The following TRDN variants were observed in gnomAD, a reference collection of about 807,000 sequenced individuals.
TRDN encodes triadin in skeletal muscle.
Under a neutral mutation model 149.7 loss-of-function variants are expected in TRDN, and 161 were observed. That is an observed-to-expected ratio of 1.08 (90% CI 0.95 to 1.23). TRDN has a LOEUF of 1.23. Among genes scored for constraint, TRDN ranks in the 50% most tolerant of loss-of-function variants. The pLI, the probability that TRDN is intolerant of heterozygous loss-of-function variation, is 0.00. For synonymous variants in TRDN, 294 were observed against 250.5 expected (o/e 1.17, Z -1.64); for missense variants, 896 against 823.5 (o/e 1.09, Z -1.08).
intron 15 of TRDN, among the ~76,000 whole-genome samples, chr6:123,381,893 G>T (rs1002637506): frequency 6.6e-6 from 1 of 150,676 alleles, no homozygotes; most frequent in African/African-American, 2.4e-5. Flanking sequence ...GAAAGGATAT[G>T]CAGTATTTAT....
intron 2 of TRDN, among the ~76,000 whole-genome samples, chr6:123,559,778 A>G (rs1781879720): frequency 6.6e-6 from 1 of 152,198 alleles, no homozygotes; most frequent in Non-Finnish European, 1.5e-5. Flanking sequence ...CGCCTTATCA[A>G]CCAAATTGTT....
intron 19 of TRDN, among the ~76,000 whole-genome samples, chr6:123,368,845 C>A (rs1403698235): frequency 2.6e-5 from 4 of 152,126 alleles, no homozygotes; most frequent in African/African-American, 9.7e-5. Flanking sequence ...GCCACTTTCT[C>A]ATTTTTCAAG....
chr6:123,398,056 G>A (rs578138007), intron 12 of TRDN, among the ~76,000 whole-genome samples: 9 of 152,272 alleles, frequency 5.9e-5, no homozygotes, highest in African/African-American at 1.4e-4. Context: ...CCAGGCTGGC[G>A]TGCAGTGGCA....
At chr6:123,338,681 T>G (rs893999768) in intron 21 of TRDN, among the ~76,000 whole-genome samples, 3 of 152,182 alleles carry the variant, frequency 2.0e-5, no homozygotes, top group Non-Finnish European at 4.4e-5. Context: ...AACAGCCTAC[T>G]GTATCCTCCT....
chr6:123,544,246 T>TACACACACACACACAC (rs71021453), intron 4 of TRDN, among the ~76,000 whole-genome samples: 1 of 144,232 alleles, frequency 6.9e-6, no homozygotes, highest in Non-Finnish European at 1.5e-5. Context: ...CATCTGTACA[T>TACACACACACACACAC]ACACACACAC....
At chr6:123,573,497 C>T (rs1332328405) in intron 1 of TRDN, among the ~76,000 whole-genome samples, 4 of 152,042 alleles carry the variant, frequency 2.6e-5, no homozygotes, top group Non-Finnish European at 2.9e-5. Flanking sequence ...GGATTAACCT[C>T]GGAAACAAAG....
intron 12 of TRDN, among the ~76,000 whole-genome samples, chr6:123,422,067 A>G (rs138803919): frequency 0.011 from 1,713 of 152,314 alleles, 30 homozygotes; most frequent in African/African-American, 0.039. Flanking sequence ...CTATTTACAT[A>G]ACATATATTT....
intron 9 of TRDN, among the ~76,000 whole-genome samples, chr6:123,494,281 G>A (rs1274123280): frequency 1.3e-5 from 2 of 151,988 alleles, no homozygotes; most frequent in Admixed American, 6.5e-5. Context: ...CTCTCTGTGC[G>A]GTCGTTAACA....
intron 39 of TRDN, among the ~76,000 whole-genome samples, chr6:123,223,727 T>C (rs1239533580): frequency 6.8e-6 from 1 of 147,164 alleles, no homozygotes; most frequent in East Asian, 2.0e-4. Context: ...CTTCCTTCCT[T>C]CCTTCCTGAT....
intron 10 of TRDN, among the ~76,000 whole-genome samples, chr6:123,445,911 A>G (rs1225027614): frequency 7.2e-6 from 1 of 139,342 alleles, no homozygotes; most frequent in Non-Finnish European, 1.5e-5. Flanking sequence ...ACTATAAATC[A>G]TGCTGCTATA....
chr6:123,318,179 G>C (rs967896529), intron 23 of TRDN, among the ~76,000 whole-genome samples: 5 of 151,916 alleles, frequency 3.3e-5, no homozygotes, highest in African/African-American at 1.2e-4. Flanking sequence ...CACTGGAAAG[G>C]AAACAACTTT....
At chr6:123,318,573 G>T (rs530241966) in intron 23 of TRDN, among the ~76,000 whole-genome samples, 4 of 152,010 alleles carry the variant, frequency 2.6e-5, no homozygotes, top group African/African-American at 9.6e-5. Flanking sequence ...TTGAATATTT[G>T]GATTTCTTAG....
chr6:123,351,537 C>A (rs1780462802), intron 21 of TRDN: 13 of 981,738 alleles, frequency 1.3e-5, no homozygotes, highest in Non-Finnish European at 1.6e-5. Context: ...ATTTTCCATG[C>A]AATTATAAAG....
At position 123,377,894 on chromosome 6, in the gene TRDN, C is replaced by A; in HGVS notation, c.1191G>T (p.Gln397His). The stretch of plus-strand genomic sequence containing the variant: ...GTTCCACATGTTTTTCTTTCTTTTC[C>A]TGTTCTGAAACATATTATTATTGTT... The part of the protein sequence containing the change: ...AEVEQPKGKK[Q>H]EKKEKHVEPA... Residue 397 changes from glutamine to histidine, a missense_variant, in exon 17 of 41, where the codon CAG becomes CAT. Physicochemically the swap from Gln to His is conservative, Grantham distance 24. Coordinates refer to ENST00000334268, the MANE Select transcript of TRDN (RefSeq NM_006073.4). 6.7e-7 allele frequency: 1 copy of A among 1,499,516 alleles called. No individual in the cohort carries two copies. The highest frequency in any genetic ancestry group is 9.1e-7 in the Non-Finnish European group (1 of 1,101,816). The allele number at this position is 1,499,516 out of a possible 1,614,324, so 92.9% of individuals were successfully genotyped here.
At chr6:123,557,068 C>T (rs1451390367) in intron 2 of TRDN, among the ~76,000 whole-genome samples, 9 of 151,590 alleles carry the variant, frequency 5.9e-5, no homozygotes, top group Non-Finnish European at 1.3e-4. Context: ...CCACCCCTGC[C>T]CGCCAGAGAA....
chr6:123,441,771 C>G (rs1774903330), intron 10 of TRDN, among the ~76,000 whole-genome samples: 1 of 152,100 alleles, frequency 6.6e-6, no homozygotes, highest in Non-Finnish European at 1.5e-5. Flanking sequence ...ATGCTGTTTC[C>G]ACGAGGAAAC....
At chr6:123,471,132 G>A (rs1263808790) in intron 9 of TRDN, 4 of 152,210 alleles carry the variant, frequency 2.6e-5, no homozygotes, top group African/African-American at 9.7e-5. Flanking sequence ...AGAAGTTGTA[G>A]AGAAGTGGAT....
chr6:123,382,476 A>C (rs1466263441), intron 14 of TRDN, among the ~76,000 whole-genome samples: 1 of 151,890 alleles, frequency 6.6e-6, no homozygotes, highest in Non-Finnish European at 1.5e-5. Flanking sequence ...GTAACCTGTT[A>C]ATAGAACATC....
At chr6:123,473,785 A>G (rs1230769174) in intron 9 of TRDN, among the ~76,000 whole-genome samples, 1 of 152,098 alleles carries the variant, frequency 6.6e-6, no homozygotes, top group African/African-American at 2.4e-5. Flanking sequence ...GTAGGGGCCA[A>G]TATTCAACAT....
Sources: gnomAD v4.1 joint callset for allele counts (sites outside exome capture counted in the v4.1 genomes callset) on GRCh38, gnomAD v4.1.1 for gene constraint, MANE v1.5 for transcripts, NCBI Gene and HGNC (gene_info 2026-07-23, HGNC 2026-07-21) for gene names.